DDB1: variants seen among roughly 807,000 people sequenced by gnomAD.
DDB1 encodes the protein DNA damage-binding protein 1.
A neutral mutation model predicts 133.1 loss-of-function variants in DDB1; 18 were observed. The observed-to-expected ratio is 0.14, with a 90% CI of 0.09 to 0.20. The LOEUF is 0.20. Among genes scored for constraint, DDB1 ranks in the 10% least tolerant of loss-of-function variants. The probability of loss-of-function intolerance (pLI) is 1.00; values close to 1 mark genes in which losing one functional copy is unlikely to be tolerated. For missense variants in DDB1, 828 were observed against 1,459.2 expected (o/e 0.57, Z 7.05); for synonymous variants, 580 against 550.5 (o/e 1.05, Z -0.75).
intron 25 of DDB1, chr11:61,301,803 T>C (rs1481350319): frequency 1.8e-5 from 3 of 162,752 alleles, no homozygotes; most frequent in South Asian, 3.5e-4. Context: ...AAACTTCCAA[T>C]AGCACTTGGA....
In DDB1 at chr11:61,314,349, G is replaced by C. The variant is rs200559051; in HGVS notation, c.1548C>G (p.Leu516=). ...CCTGAGGATGGATCTGCAGATAGTA[G>C]AGGGCCCTGCCTACAGCCACCACCA... is the stretch of plus-strand genomic sequence containing the variant. ...SQVVVAVGRA[L]YYLQIHPQEL... is the part of the protein sequence containing the mutation. Residue 516 remains leucine (L), a synonymous_variant, in exon 13 of 27, where the codon CTC becomes CTG. Coordinates refer to ENST00000301764, the MANE Select transcript of DDB1 (RefSeq NM_001923.5). 17 of 1,614,086 alleles carry C rather than the reference G, an allele frequency of 1.1e-5. No individual in the cohort carries two copies. Among genetic ancestry groups the C allele is most frequent in the Non-Finnish European group, 1.4e-5 (17 of 1,179,996 alleles).
intron 18 of DDB1, 89 bp downstream of exon 18, chr11:61,311,695 G>T: frequency 1.7e-6 from 2 of 1,206,058 alleles, no homozygotes; most frequent in Non-Finnish European, 2.3e-6. Flanking sequence ...CACACTGCCT[G>T]CAAAGCCGAA....
At chr11:61,326,632 A>G in intron 5 of DDB1, 147 bp downstream of exon 5, 1 of 735,722 alleles carries the variant, frequency 1.4e-6, no homozygotes, top group East Asian at 2.5e-5. Flanking sequence ...ACAATTAGAG[A>G]AAGAAAACAT....
intron 6 of DDB1, 155 bp from the exon 7 acceptor site, chr11:61,324,292 C>T: frequency 2.7e-6 from 2 of 729,310 alleles, no homozygotes; most frequent in Admixed American, 2.9e-5. Context: ...GATCCTATTG[C>T]CCATTAATAG....
intron 24 of DDB1, 51 bp downstream of exon 24, chr11:61,302,531 G>A (rs780369440): frequency 1.2e-6 from 2 of 1,608,100 alleles, no homozygotes; most frequent in African/African-American, 1.3e-5. Flanking sequence ...CAGAATGCTG[G>A]TATCAGGAAG....
chr11:61,320,730 T>C (rs939596084), intron 10 of DDB1, among the ~76,000 whole-genome samples: 2 of 152,142 alleles, frequency 1.3e-5, no homozygotes, highest in African/African-American at 4.8e-5. Context: ...TATATACAAC[T>C]TTAAGGTGGT....
At chr11:61,319,992 C>T (rs1856152211) in intron 10 of DDB1, among the ~76,000 whole-genome samples, 1 of 144,908 alleles carries the variant, frequency 6.9e-6, no homozygotes, top group African/African-American at 2.9e-5. Flanking sequence ...GGTACTTAAT[C>T]ATTTTCTTGT....
chr11:61,306,482 T>C (rs536323930), intron 21 of DDB1, among the ~76,000 whole-genome samples: 55 of 152,036 alleles, frequency 3.6e-4, no homozygotes, highest in Non-Finnish European at 6.9e-4. Context: ...CACCCATCAC[T>C]CTCTCCCACA....
At chr11:61,303,553 T>G (rs781241868) in intron 22 of DDB1, among the ~76,000 whole-genome samples, 3 of 151,956 alleles carry the variant, frequency 2.0e-5, no homozygotes, top group Non-Finnish European at 4.4e-5. Context: ...CCAGGCGTGT[T>G]GGCAGGTGCC....
At chr11:61,311,718 C>T (rs556400194) in intron 18 of DDB1, 66 bp downstream of exon 18, 1 of 1,427,772 alleles carries the variant, frequency 7.0e-7, no homozygotes, top group African/African-American at 1.4e-5. Context: ...CCTTCACTAC[C>T]TGGCCTGTAC....
intron 12 of DDB1, chr11:61,315,280 A>G (rs1856044905): frequency 6.6e-6 from 1 of 152,252 alleles, no homozygotes; most frequent in Non-Finnish European, 1.5e-5. Flanking sequence ...TTTATCACTG[A>G]AATAAAACAG....
chr11:61,314,126 A>C lies in DDB1; in HGVS notation c.1674T>G (p.Ile558Met). The C allele has an allele frequency of 6.2e-7, 1 of 1,614,184 alleles. No individual in the cohort carries two copies. Among genetic ancestry groups the C allele is most frequent in the Non-Finnish European group, 8.5e-7 (1 of 1,180,008 alleles). Reference sequence around the variant, plus strand: ...GAGCCGAGATGTCCGTCCAGAGGCCAATGGCACAAAGAGGGGACAGTCCAT... The same window carrying C: ...GAGCCGAGATGTCCGTCCAGAGGCCCATGGCACAAAGAGGGGACAGTCCAT... ...DSNGLSPLCA[I>M]GLWTDISARI... is the part of the protein sequence containing the mutation. Residue 558 changes from isoleucine (I) to methionine (M), a missense_variant, in exon 14 of 27, where the codon ATT (isoleucine) becomes ATG (methionine). This residue lies in a region of DDB1 where 396 missense variants were observed against 554.1 expected (regional missense o/e 0.71). Transcript: ENST00000301764.
At chr11:61,303,718 A>AC in intron 22 of DDB1, 147 bp downstream of exon 22, 2 of 935,964 alleles carry the variant, frequency 2.1e-6, no homozygotes, top group Non-Finnish European at 3.1e-6. Context: ...AAAAAAAAAA[A>AC]AAAAAACTTA....
chr11:61,315,158 C>T (rs543378427), intron 12 of DDB1: 2 of 152,210 alleles, frequency 1.3e-5, no homozygotes, highest in East Asian at 1.9e-4. Context: ...TTTTCTCAAC[C>T]CCCAAATCAG....
At chr11:61,311,929 A>G in intron 17 of DDB1, 34 bp from the exon 18 acceptor site, 3 of 1,613,930 alleles carry the variant, frequency 1.9e-6, no homozygotes, top group Non-Finnish European at 2.5e-6. Context: ...AGTGTCACTT[A>G]GAAAGTCAGA....
chr11:61,303,440 G>A lies in DDB1; in HGVS notation c.2833-285C>T, dbSNP rs147695674. On this transcript the variant is annotated intron_variant, in intron 22 of 26. Coordinates refer to ENST00000301764, the MANE Select transcript of DDB1 (RefSeq NM_001923.5). ...ACAGTGGCTCACGCCTGTAATCCCA[G>A]CACTTTGGGAGGCCGTGGCGGGCCG... 2.2e-3 allele frequency: 763 copies of A among 345,378 alleles called. 9 individuals are homozygous for A. Among genetic ancestry groups the A allele is most frequent in the South Asian group, 0.016 (510 of 32,886 alleles). The allele number at this position is 345,378 out of a possible 1,614,324, so 21.4% of individuals were successfully genotyped here.
chr11:61,305,920 CTG>C, intron 21 of DDB1, among the ~76,000 whole-genome samples: 1 of 152,266 alleles, frequency 6.6e-6, no homozygotes, highest in South Asian at 2.1e-4. Context: ...GTATGAAAAA[CTG>C]TAAAATATCT....
Position 61,316,502 on chromosome 11 carries a change from C to A in DDB1, c.1291G>T (p.Gly431Cys). 1 of 1,614,124 alleles carries A rather than the reference C, an allele frequency of 6.2e-7. No individual in the cohort carries two copies. Among genetic ancestry groups the A allele is most frequent in the Non-Finnish European group, 8.5e-7 (1 of 1,180,030 alleles). ...TDDTLVLSFVGQTRVLMLNGE... is the reference protein window; with the variant it reads ...TDDTLVLSFVCQTRVLMLNGE... ...TAGACCCATCCTTACCTTGTCTGGC[C>A]CACAAAAGAGAGCACCAAAGTGTCA... The change falls in exon 11 of 27, where the codon GGC becomes TGC. Residue 431 changes from glycine (G) to cysteine (C), a missense_variant. By Grantham distance (159) the Gly-to-Cys change is radical. Coordinates refer to ENST00000301764, the MANE Select transcript of DDB1 (RefSeq NM_001923.5).
At chr11:61,330,938 G>A (rs1856356607) in intron 2 of DDB1, among the ~76,000 whole-genome samples, 1 of 152,188 alleles carries the variant, frequency 6.6e-6, no homozygotes, top group South Asian at 2.1e-4. Flanking sequence ...TTACAGGCGT[G>A]AGCCACCATG....
Sources: allele counts gnomAD v4.1 joint callset (sites outside exome capture counted in the v4.1 genomes callset), GRCh38; gene constraint gnomAD v4.1.1; regional missense constraint gnomAD v4.1.1; transcripts MANE v1.5; gene names NCBI Gene and HGNC (gene_info 2026-07-23, HGNC 2026-07-21).